RABGEF1: variants seen among roughly 807,000 people sequenced by gnomAD.
The protein encoded by RABGEF1 is rab5 GDP/GTP exchange factor.
In RABGEF1, 26 loss-of-function variants were observed where a neutral mutation model predicts 57.3. The ratio of observed to expected loss-of-function variants is 0.45; its 90% CI spans 0.33 to 0.63. The LOEUF (loss-of-function observed/expected upper bound fraction) is 0.63. Ranked by LOEUF, RABGEF1 falls within the 20% of genes least tolerant of loss-of-function variation. The probability of loss-of-function intolerance (pLI) is 0.02; values close to 1 mark genes in which losing one functional copy is unlikely to be tolerated. For synonymous variants in RABGEF1, 185 were observed against 210.7 expected (o/e 0.88, Z 1.06); for missense variants, 464 against 607.6 (o/e 0.76, Z 2.48).
chr7:66,742,164 A>G (rs1325974656), intron 1 of RABGEF1, among the ~76,000 whole-genome samples: 1 of 149,338 alleles, frequency 6.7e-6, no homozygotes, highest in South Asian at 2.1e-4. Context: ...AAAAAAACTA[A>G]GAGTCTGTTC....
chr7:66,688,960 G>A (rs1022024066), intron 1 of RABGEF1, among the ~76,000 whole-genome samples: 5 of 152,160 alleles, frequency 3.3e-5, no homozygotes, highest in East Asian at 1.9e-4. Flanking sequence ...AGGCATGGTG[G>A]TGCAGGCCTG....
At chr7:66,654,987 T>C in the RABGEF1 span, among the ~76,000 whole-genome samples, 1 of 152,186 alleles carries the variant, frequency 6.6e-6, no homozygotes, top group East Asian at 1.9e-4. Context: ...CACTTCCCCG[T>C]CCAGGACGCT....
intron 1 of RABGEF1, among the ~76,000 whole-genome samples, chr7:66,759,582 G>C (rs1423089330): frequency 3.3e-5 from 5 of 152,196 alleles, no homozygotes; most frequent in Non-Finnish European, 7.3e-5. Flanking sequence ...TCTACAGGCT[G>C]TACAGGAAAC....
At chr7:66,770,106 A>G (rs1562820854) in intron 1 of RABGEF1, among the ~76,000 whole-genome samples, 1 of 152,162 alleles carries the variant, frequency 6.6e-6, no homozygotes, top group Non-Finnish European at 1.5e-5. Context: ...GTCTGCCTGT[A>G]CTTTTGGTTA....
intron 2 of RABGEF1, among the ~76,000 whole-genome samples, chr7:66,726,723 G>T (rs1024727482): frequency 7.9e-5 from 12 of 152,096 alleles, no homozygotes; most frequent in African/African-American, 2.7e-4. Flanking sequence ...GGACTGCGAG[G>T]TCAGGTGCGG....
upstream of RABGEF1, chr7:66,740,260 G>C (rs1344185402): frequency 1.3e-5 from 2 of 152,572 alleles, no homozygotes; most frequent in Non-Finnish European, 2.9e-5. Flanking sequence ...TGGATCAACC[G>C]ATCGCCTTAA....
chr7:66,671,397 T>C, the RABGEF1 span, among the ~76,000 whole-genome samples: 3 of 152,100 alleles, frequency 2.0e-5, no homozygotes, highest in Admixed American at 2.0e-4. Context: ...GAGGAATAAG[T>C]GTAATCCCAC....
intron 2 of RABGEF1, among the ~76,000 whole-genome samples, chr7:66,733,654 T>C (rs554919704): frequency 1.6e-3 from 240 of 151,776 alleles, no homozygotes; most frequent in African/African-American, 5.5e-3. Context: ...GCCAAGATCG[T>C]GCCACTGCAC....
At chr7:66,715,766 T>C (rs780877392) in intron 2 of RABGEF1, among the ~76,000 whole-genome samples, 2 of 152,050 alleles carry the variant, frequency 1.3e-5, no homozygotes, top group Non-Finnish European at 1.5e-5. Context: ...TTTTTAGAGA[T>C]GGGTCTCGGC....
Position 66,724,886 on chromosome 7 carries a change from T to G in RABGEF1, c.-815+12662T>G, listed in dbSNP as rs180948344. 1.1e-3 allele frequency among the ~76,000 whole-genome samples: 173 copies of G among 152,348 alleles called. 1 individual carries two copies. Among genetic ancestry groups the G allele is most frequent in the African/African-American group, 2.7e-3 (112 of 41,588 alleles). On this transcript the variant is annotated intron_variant and NMD_transcript_variant, in intron 2 of 9. Coordinates refer to the RABGEF1 transcript ENST00000607882. The stretch of plus-strand genomic sequence containing the variant: ...CCTTGGTGCTTTAGTTTAGATAGAT[T>G]CAGGTTCATTGATCTTGTCTTTGTA...
chr7:66,805,102 C>G (rs1263181427), intron 7 of RABGEF1, 38 bp from the exon 8 acceptor site: 1 of 1,543,238 alleles, frequency 6.5e-7, no homozygotes, highest in Non-Finnish European at 8.9e-7. Context: ...TTTTGTGATT[C>G]TTTTCTCCTG....
At chr7:66,773,872 C>A (rs552676771) in intron 2 of RABGEF1, 6 of 415,402 alleles carry the variant, frequency 1.4e-5, no homozygotes, top group South Asian at 8.7e-5. Flanking sequence ...CACCATGTTG[C>A]CCAGGCTGGT....
chr7:66,762,147 A>G (rs1804561108), intron 1 of RABGEF1, among the ~76,000 whole-genome samples: 1 of 152,216 alleles, frequency 6.6e-6, no homozygotes, highest in South Asian at 2.1e-4. Flanking sequence ...AAACCAATAT[A>G]TATTATAACA....
chr7:66,805,596 G>A (rs545499364), intron 8 of RABGEF1, among the ~76,000 whole-genome samples, 200 bp downstream of exon 8: 2 of 152,346 alleles, frequency 1.3e-5, no homozygotes, highest in East Asian at 3.9e-4. Flanking sequence ...ATCAGAGATT[G>A]TGTTTATCCT....
At chr7:66,699,087 A>T (rs1476358076) in intron 1 of RABGEF1, among the ~76,000 whole-genome samples, 1 of 152,034 alleles carries the variant, frequency 6.6e-6, no homozygotes, top group East Asian at 1.9e-4. Flanking sequence ...TGGCCTTGGG[A>T]GGGTTGGCCT....
chr7:66,744,860 ATTGATTTCT>A (rs1799838702), intron 1 of RABGEF1, among the ~76,000 whole-genome samples: 1 of 152,088 alleles, frequency 6.6e-6, no homozygotes, highest in South Asian at 2.1e-4. Flanking sequence ...AGAATAACTC[ATTGATTTCT>A]TTGATTTTTT....
chr7:66,730,563 T>A (rs561627116), intron 2 of RABGEF1, among the ~76,000 whole-genome samples: 2 of 150,204 alleles, frequency 1.3e-5, no homozygotes, highest in Admixed American at 1.3e-4. Context: ...TTTTCTTTTT[T>A]TTTTTTTTTT....
At chr7:66,738,942 T>C (rs1798390294), upstream of RABGEF1, among the ~76,000 whole-genome samples, 3 of 152,010 alleles carry the variant, frequency 2.0e-5, no homozygotes, top group African/African-American at 7.2e-5. Flanking sequence ...ACAGGTACTT[T>C]GTGTTTTTTT....
At chr7:66,749,788 A>G (rs4718393) in intron 1 of RABGEF1, among the ~76,000 whole-genome samples, 6,011 of 152,122 alleles carry the variant, frequency 0.04, 165 homozygotes, top group East Asian at 0.085. Flanking sequence ...TGGCTAACAC[A>G]GTTAAACCCC....
Sources: allele counts gnomAD v4.1 joint callset (sites outside exome capture counted in the v4.1 genomes callset), GRCh38; gene constraint gnomAD v4.1.1; transcripts MANE v1.5; gene names NCBI Gene and HGNC (gene_info 2026-07-23, HGNC 2026-07-21).